The following GPC6 variants were observed in gnomAD, a reference collection of about 807,000 sequenced individuals.
The protein encoded by GPC6 is glypican-6.
Under a neutral mutation model 55.2 loss-of-function variants are expected in GPC6, and 14 were observed. The observed-to-expected ratio is 0.25, with a 90% CI of 0.17 to 0.40. The LOEUF is 0.40. GPC6 is among the 10% of genes least tolerant of loss of function. The probability of loss-of-function intolerance (pLI) is 1.00; values close to 1 mark genes in which losing one functional copy is unlikely to be tolerated. For synonymous variants in GPC6, 278 were observed against 259.6 expected, an observed-to-expected ratio of 1.07 and a Z score of -0.68; for missense variants, 641 against 708.5, an observed-to-expected ratio of 0.90 and a Z score of 1.08.
At chr13:93,481,653 C>T (rs548979229) in intron 1 of GPC6, among the ~76,000 whole-genome samples, 5 of 150,402 alleles carry the variant, frequency 3.3e-5, no homozygotes, top group Non-Finnish European at 4.4e-5. Context: ...TTTTTTTGTA[C>T]GTAGATACTC....
At chr13:93,535,624 G>A (rs1214867142) in intron 1 of GPC6, among the ~76,000 whole-genome samples, 2 of 149,626 alleles carry the variant, frequency 1.3e-5, no homozygotes, top group Non-Finnish European at 2.9e-5. Flanking sequence ...ATGGCTCACA[G>A]CTCCCAGAAA....
intron 3 of GPC6, among the ~76,000 whole-genome samples, chr13:93,964,483 C>A (rs1879929245): frequency 6.6e-6 from 1 of 152,140 alleles, no homozygotes; most frequent in African/African-American, 2.4e-5. Context: ...TAGCCCAGCA[C>A]AAAACCCTTT....
At chr13:94,258,920 T>C (rs987735207) in intron 4 of GPC6, among the ~76,000 whole-genome samples, 1 of 152,132 alleles carries the variant, frequency 6.6e-6, no homozygotes, top group Non-Finnish European at 1.5e-5. Flanking sequence ...CAAACAGAGA[T>C]GTAACAAGGG....
At chr13:93,862,975 G>T (rs1477672111) in intron 3 of GPC6, among the ~76,000 whole-genome samples, 2 of 151,622 alleles carry the variant, frequency 1.3e-5, no homozygotes, top group Admixed American at 6.6e-5. Flanking sequence ...CCCAAAGAAT[G>T]AATCCTCGCA....
At chr13:94,012,559 T>C (rs1211967150) in intron 3 of GPC6, among the ~76,000 whole-genome samples, 1 of 152,206 alleles carries the variant, frequency 6.6e-6, no homozygotes, top group Non-Finnish European at 1.5e-5. Context: ...TTCATATTTA[T>C]GTTTTGTACA....
intron 1 of GPC6, among the ~76,000 whole-genome samples, chr13:93,507,405 C>T (rs1174046519): frequency 6.6e-6 from 1 of 152,100 alleles, no homozygotes; most frequent in African/African-American, 2.4e-5. Context: ...TTTTAATCAA[C>T]GAAGATGCAA....
At chr13:93,678,457 T>C (rs1881728098) in intron 2 of GPC6, among the ~76,000 whole-genome samples, 1 of 152,158 alleles carries the variant, frequency 6.6e-6, no homozygotes, top group Non-Finnish European at 1.5e-5. Context: ...GCTATGTTTG[T>C]GAAATAATCT....
At chr13:94,133,977 A>G (rs1887097139) in intron 4 of GPC6, among the ~76,000 whole-genome samples, 3 of 152,218 alleles carry the variant, frequency 2.0e-5, no homozygotes, top group Admixed American at 6.5e-5. Flanking sequence ...TTATTAGGAC[A>G]TTAATCATCA....
At chr13:93,651,252 AT>A (rs75108970) in intron 2 of GPC6, among the ~76,000 whole-genome samples, 11,635 of 148,328 alleles carry the variant, frequency 0.078, 593 homozygotes, top group East Asian at 0.27. Context: ...GAATCTACCT[AT>A]TTTTTTTTTT....
At chr13:93,372,272 A>C (rs538219739) in intron 1 of GPC6, among the ~76,000 whole-genome samples, 50 of 152,138 alleles carry the variant, frequency 3.3e-4, no homozygotes, top group African/African-American at 1.2e-3. Flanking sequence ...AGAGAAGCAG[A>C]GGTCCTGCTT....
intron 2 of GPC6, among the ~76,000 whole-genome samples, chr13:93,801,473 C>G (rs1000511099): frequency 2.0e-5 from 3 of 152,072 alleles, no homozygotes; most frequent in African/African-American, 7.2e-5. Context: ...GAGACACTGT[C>G]GAAATGTCTG....
chr13:94,176,357 G>C (rs1375258771), intron 4 of GPC6, among the ~76,000 whole-genome samples: 1 of 152,022 alleles, frequency 6.6e-6, no homozygotes, highest in Non-Finnish European at 1.5e-5. Flanking sequence ...CCTCTAAAGG[G>C]AGGCAGAGCA....
At chr13:94,009,480 C>A (rs1406124110) in intron 3 of GPC6, among the ~76,000 whole-genome samples, 1 of 152,138 alleles carries the variant, frequency 6.6e-6, no homozygotes, top group Non-Finnish European at 1.5e-5. Context: ...GCATTATGCA[C>A]CACATGACAT....
At chr13:94,252,457 A>T (rs1386455001) in intron 4 of GPC6, among the ~76,000 whole-genome samples, 16 of 152,210 alleles carry the variant, frequency 1.1e-4, no homozygotes, top group Non-Finnish European at 1.2e-4. Context: ...GATTTTTATT[A>T]TGTGCCCCCA....
intron 4 of GPC6, among the ~76,000 whole-genome samples, chr13:94,053,856 T>C (rs1884040597): frequency 6.6e-6 from 1 of 152,294 alleles, no homozygotes; most frequent in East Asian, 1.9e-4. Flanking sequence ...TAGATACTTA[T>C]ATTCAGAAAA....
chr13:93,432,580 G>C (rs1170273738), intron 1 of GPC6, among the ~76,000 whole-genome samples: 1 of 152,064 alleles, frequency 6.6e-6, no homozygotes, highest in Non-Finnish European at 1.5e-5. Context: ...ATGAAACTCG[G>C]AGAACTTGTA....
intron 3 of GPC6, among the ~76,000 whole-genome samples, chr13:93,963,630 GTA>G (rs1879887004): frequency 6.6e-6 from 1 of 152,142 alleles, no homozygotes; most frequent in South Asian, 2.1e-4. Context: ...GCTAAATGGC[GTA>G]TGTTTGTCTT....
chr13:93,645,877 G>A (rs868266892), intron 2 of GPC6, among the ~76,000 whole-genome samples: 3 of 152,042 alleles, frequency 2.0e-5, no homozygotes, highest in African/African-American at 7.2e-5. Flanking sequence ...AAGCACGTCT[G>A]CTGACCATTT....
At chr13:94,359,144 C>T (rs534971850) in intron 6 of GPC6, among the ~76,000 whole-genome samples, 2 of 152,230 alleles carry the variant, frequency 1.3e-5, no homozygotes, top group African/African-American at 2.4e-5. Context: ...AACCCTCTTA[C>T]CTTTTTGAGG....
Sources: allele counts gnomAD v4.1 joint callset (sites outside exome capture counted in the v4.1 genomes callset), GRCh38; gene constraint gnomAD v4.1.1; transcripts MANE v1.5; gene names NCBI Gene and HGNC (gene_info 2026-07-23, HGNC 2026-07-21).